Variants in ARAP2 observed in about 807,000 individuals in gnomAD.
ARAP2 encodes the protein ArfGAP with RhoGAP domain, ankyrin repeat and PH domain 2.
A neutral mutation model predicts 194.5 loss-of-function variants in ARAP2; 148 were observed. That is an observed-to-expected ratio of 0.76 (90% CI 0.67 to 0.87). ARAP2 has a LOEUF of 0.87. Among genes scored for constraint, ARAP2 ranks in the 40% least tolerant of loss-of-function variants. ARAP2 has a pLI of 0.00. For synonymous variants in ARAP2, 695 were observed against 683.5 expected (o/e 1.02, Z -0.26); for missense variants, 2,128 against 1,989.7 (o/e 1.07, Z -1.32).
intron 5 of ARAP2, among the ~76,000 whole-genome samples, chr4:36,024,238 C>T (rs1232123390): frequency 1.3e-5 from 2 of 152,092 alleles, no homozygotes; most frequent in Non-Finnish European, 2.9e-5. Flanking sequence ...TTGATCAAGT[C>T]ACAACGATTT....
chr4:36,221,453 T>C (rs1052361956), intron 2 of ARAP2, among the ~76,000 whole-genome samples: 3 of 152,092 alleles, frequency 2.0e-5, no homozygotes, highest in Non-Finnish European at 2.9e-5. Context: ...CATAAGTAAC[T>C]GATCTGAGAT....
At chr4:36,228,227 C>A (rs1169929660) in intron 2 of ARAP2, among the ~76,000 whole-genome samples, 1 of 152,108 alleles carries the variant, frequency 6.6e-6, no homozygotes, top group African/African-American at 2.4e-5. Flanking sequence ...AAGAACAAAT[C>A]ATCTATTGGG....
chr4:36,062,283 G>T (rs1171683934), downstream of ARAP2, among the ~76,000 whole-genome samples: 2 of 152,142 alleles, frequency 1.3e-5, no homozygotes, highest in Non-Finnish European at 2.9e-5. Flanking sequence ...GGGTTGGGGA[G>T]GAATGGTGTT....
chr4:36,241,246 T>C (rs1473214641), intron 1 of ARAP2, among the ~76,000 whole-genome samples: 2 of 152,238 alleles, frequency 1.3e-5, no homozygotes, highest in Non-Finnish European at 2.9e-5. Context: ...AATAGCCTAC[T>C]GTGTTTCCTC....
chr4:36,184,731 A>C (rs768047165), intron 8 of ARAP2, among the ~76,000 whole-genome samples: 7 of 152,182 alleles, frequency 4.6e-5, no homozygotes, highest in Non-Finnish European at 7.3e-5. Flanking sequence ...AGCAATGTGA[A>C]ATTCATTTGG....
chr4:36,111,491 A>T (rs1719974014), intron 26 of ARAP2, among the ~76,000 whole-genome samples: 2 of 151,668 alleles, frequency 1.3e-5, no homozygotes, highest in African/African-American at 4.8e-5. Context: ...TGAATTCTTA[A>T]CTCTAAGTGT....
intron 1 of ARAP2, among the ~76,000 whole-genome samples, chr4:36,240,640 AT>A (rs1753333994): frequency 6.6e-6 from 1 of 152,200 alleles, no homozygotes; most frequent in South Asian, 2.1e-4. Context: ...ATGCATTAAA[AT>A]CTTAGAACAG....
intron 5 of ARAP2, among the ~76,000 whole-genome samples, chr4:36,023,901 T>A (rs67275990): frequency 0.074 from 11,294 of 152,160 alleles, 571 homozygotes; most frequent in Middle Eastern, 0.19. Flanking sequence ...TTTTAAAAAA[T>A]GACGTTTGTT....
chr4:36,228,237 G>GGA (rs1184624084), intron 2 of ARAP2, among the ~76,000 whole-genome samples: 1 of 152,108 alleles, frequency 6.6e-6, no homozygotes, highest in African/African-American at 2.4e-5. Flanking sequence ...CATCTATTGG[G>GGA]GAGAGAGAGT....
intron 27 of ARAP2, among the ~76,000 whole-genome samples, chr4:36,107,148 CA>C (rs1327322638): frequency 6.6e-6 from 1 of 151,862 alleles, no homozygotes; most frequent in Non-Finnish European, 1.5e-5. Context: ...AACTTCATCA[CA>C]AAAATGTGAG....
intron 22 of ARAP2, among the ~76,000 whole-genome samples, chr4:36,121,923 C>A (rs61798148): frequency 2.6e-5 from 4 of 151,398 alleles, no homozygotes; most frequent in Non-Finnish European, 5.9e-5. Context: ...ACTAAGAATG[C>A]CTTTTTATAA....
chr4:36,170,212 G>A (rs1401265456), intron 9 of ARAP2, among the ~76,000 whole-genome samples: 2 of 152,178 alleles, frequency 1.3e-5, no homozygotes, highest in Admixed American at 1.3e-4. Context: ...CCAACGCCAA[G>A]AAACACTGAT....
chr4:36,042,703 A>G (rs1477170861), intron 5 of ARAP2, among the ~76,000 whole-genome samples: 2 of 152,204 alleles, frequency 1.3e-5, no homozygotes, highest in Non-Finnish European at 2.9e-5. Context: ...TACCTTTTAA[A>G]TATGGTTCAG....
Position 36,114,203 on chromosome 4 carries a change from C to T in ARAP2, c.4123G>A (p.Ala1375Thr). 1.9e-6 allele frequency: 3 copies of T among 1,601,632 alleles called. No homozygotes were observed. The highest frequency in any genetic ancestry group is 2.2e-5 in the East Asian group (1 of 44,546). Residue 1375 changes from alanine to threonine, a missense_variant, in exon 26 of 33, where the codon GCC becomes ACC. Ala to Thr is a moderately conservative substitution (Grantham distance 58). Coordinates refer to ENST00000303965, the MANE Select transcript of ARAP2 (RefSeq NM_015230.4). The stretch of plus-strand genomic sequence containing the variant: ...TCATTTTCAATGACTTCAAATGTGG[C>T]CCAAATATCACCTTTTGTAGGAATA... ...NIIPTKGDIW[A>T]TFEVIENEEL...
chr4:36,195,649 G>A (rs1472789600), intron 6 of ARAP2, among the ~76,000 whole-genome samples: 1 of 152,138 alleles, frequency 6.6e-6, no homozygotes, highest in Non-Finnish European at 1.5e-5. Context: ...AGAGCCCTTA[G>A]GGCCTCCCAT....
chr4:36,158,319 C>A (rs2109766546), intron 15 of ARAP2, among the ~76,000 whole-genome samples: 1 of 152,104 alleles, frequency 6.6e-6, no homozygotes, highest in Non-Finnish European at 1.5e-5. Flanking sequence ...AAAACCTGAA[C>A]TATTTGATAT....
At chr4:36,093,826 T>C (rs1160025811) in intron 27 of ARAP2, among the ~76,000 whole-genome samples, 2 of 152,160 alleles carry the variant, frequency 1.3e-5, no homozygotes, top group African/African-American at 2.4e-5. Flanking sequence ...TGTCTGTGTG[T>C]ACCCAAGGTT....
chr4:36,154,042 A>C (rs1362411956), intron 15 of ARAP2, among the ~76,000 whole-genome samples: 2 of 152,144 alleles, frequency 1.3e-5, no homozygotes, highest in Non-Finnish European at 2.9e-5. Flanking sequence ...TTAACCTAAC[A>C]GGCAGGTGGG....
chr4:36,119,189 G>C (rs930988843), intron 24 of ARAP2, among the ~76,000 whole-genome samples: 7 of 151,444 alleles, frequency 4.6e-5, no homozygotes, highest in African/African-American at 9.7e-5. Flanking sequence ...ATTAGAATGT[G>C]TTACAAAGAT....
Sources: allele counts gnomAD v4.1 joint callset (sites outside exome capture counted in the v4.1 genomes callset), GRCh38; gene constraint gnomAD v4.1.1; transcripts MANE v1.5; gene names NCBI Gene and HGNC (gene_info 2026-07-23, HGNC 2026-07-21).